MLIP: variants seen among roughly 807,000 people sequenced by gnomAD.
The protein encoded by MLIP is muscular LMNA-interacting protein.
Under a neutral mutation model 84.8 loss-of-function variants are expected in MLIP, and 79 were observed. That is an observed-to-expected ratio of 0.93 (90% CI 0.78 to 1.12). The LOEUF (loss-of-function observed/expected upper bound fraction) is 1.12, where lower values mean the gene tolerates loss of function less well. MLIP is among the 50% of genes most tolerant of loss of function. MLIP has a pLI of 0.00. For synonymous variants in MLIP, 504 were observed against 463.0 expected, an observed-to-expected ratio of 1.09 and a Z score of -1.14; for missense variants, 1,257 against 1,160.6, an observed-to-expected ratio of 1.08 and a Z score of -1.21.
intron 12 of MLIP, among the ~76,000 whole-genome samples, chr6:54,242,442 C>A (rs1162866998): frequency 6.6e-6 from 1 of 152,012 alleles, no homozygotes; most frequent in African/African-American, 2.4e-5. Context: ...TGCAGAAATC[C>A]AATAAAAACT....
At chr6:54,189,159 G>A (rs1305984644) in intron 9 of MLIP, among the ~76,000 whole-genome samples, 2 of 152,170 alleles carry the variant, frequency 1.3e-5, no homozygotes, top group African/African-American at 4.8e-5. Flanking sequence ...AGTTAAACAA[G>A]ATGAATAAAT....
chr6:54,073,367 A>G (rs1322363725), intron 1 of MLIP, among the ~76,000 whole-genome samples: 1 of 152,246 alleles, frequency 6.6e-6, no homozygotes, highest in Non-Finnish European at 1.5e-5. Flanking sequence ...TTTGTGAATT[A>G]GACTGAGAAT....
chr6:54,092,830 G>T (rs527685652), intron 1 of MLIP, among the ~76,000 whole-genome samples: 36 of 152,210 alleles, frequency 2.4e-4, no homozygotes, highest in Non-Finnish European at 4.9e-4. Context: ...TGTGATTTGA[G>T]TGGTTTTATT....
At position 54,266,031 on chromosome 6, in the gene MLIP, CT is replaced by C. The variant is rs67803711; in HGVS notation, c.*90del. The C allele has an allele frequency of 0.23, 266,070 of 1,138,910 alleles. 6,397 individuals carry two copies. The highest frequency in any genetic ancestry group is 0.43 in the African/African-American group (26,791 of 62,312). 70.6% of individuals were successfully genotyped at this position (1,138,910 alleles called of 1,614,324 possible). A position where few individuals can be genotyped will look rare whatever the true frequency, so the allele number is the denominator to read the frequency against. Reference sequence around the variant, plus strand: ...GGTGCTAACCACTTGCTAGATTTAACTTTTTTTTTTTTTTCCAGAATGAGTG... The same window carrying C: ...GGTGCTAACCACTTGCTAGATTTAACTTTTTTTTTTTTTCCAGAATGAGTG... On this transcript the variant is annotated 3_prime_UTR_variant, in exon 14 of 14. Coordinates refer to ENST00000502396, the MANE Select transcript of MLIP (RefSeq NM_001281747.2).
intron 9 of MLIP, among the ~76,000 whole-genome samples, chr6:54,188,567 G>A (rs1172306519): frequency 6.6e-6 from 1 of 152,088 alleles, no homozygotes; most frequent in African/African-American, 2.4e-5. Context: ...CTAGGTGACA[G>A]GAATATTTTT....
chr6:54,225,664 A>G (rs1780527783), intron 11 of MLIP, among the ~76,000 whole-genome samples: 1 of 152,226 alleles, frequency 6.6e-6, no homozygotes. Context: ...AACTCAGTAG[A>G]ACATTAAAGA....
chr6:54,174,736 A>C (rs1369379246), intron 9 of MLIP, among the ~76,000 whole-genome samples: 1 of 151,840 alleles, frequency 6.6e-6, no homozygotes, highest in Non-Finnish European at 1.5e-5. Context: ...TGCTGGGTAG[A>C]AGCTTTTTAA....
chr6:54,073,435 A>C (rs1260328082), intron 1 of MLIP, among the ~76,000 whole-genome samples: 1 of 152,210 alleles, frequency 6.6e-6, no homozygotes, highest in African/African-American at 2.4e-5. Context: ...TTTGCAAATG[A>C]ACTTTTAGTT....
chr6:54,264,349 A>G (rs9885789), intron 13 of MLIP, among the ~76,000 whole-genome samples: 34,903 of 151,978 alleles, frequency 0.23, 6,756 homozygotes, highest in African/African-American at 0.53. Context: ...TCAGAAGCCA[A>G]ACTCAATATA....
chr6:54,231,855 A>G (rs1219823067), intron 12 of MLIP, among the ~76,000 whole-genome samples: 1 of 152,168 alleles, frequency 6.6e-6, no homozygotes, highest in Non-Finnish European at 1.5e-5. Flanking sequence ...TTTTTAAAGA[A>G]AAAAATGTCA....
chr6:54,097,136 C>A (rs547516636), intron 1 of MLIP, among the ~76,000 whole-genome samples: 48 of 152,220 alleles, frequency 3.2e-4, no homozygotes, highest in African/African-American at 1.1e-3. Context: ...GAGAGAAAAC[C>A]CCAAAATAGA....
At chr6:54,208,772 C>A (rs180859762) in intron 11 of MLIP, among the ~76,000 whole-genome samples, 1 of 152,222 alleles carries the variant, frequency 6.6e-6, no homozygotes, top group African/African-American at 2.4e-5. Context: ...TTTTATTTGC[C>A]AGTTTATGTA....
chr6:54,262,918 G>A (rs1218004573), intron 13 of MLIP, among the ~76,000 whole-genome samples: 1 of 152,002 alleles, frequency 6.6e-6, no homozygotes, highest in Admixed American at 6.6e-5. Flanking sequence ...AGAGAGTCTG[G>A]TTCTGAAGTA....
intron 3 of MLIP, among the ~76,000 whole-genome samples, chr6:54,133,486 C>G (rs557195168): frequency 6.6e-6 from 1 of 152,200 alleles, no homozygotes; most frequent in Non-Finnish European, 1.5e-5. Flanking sequence ...AGGAAGAGCA[C>G]AACTATATAC....
Position 54,202,216 on chromosome 6 carries a change from G to A in MLIP, c.2701G>A (p.Asp901Asn), listed in dbSNP as rs759649011. Reference protein sequence around the residue: ...PFSKYLEDNSDLFSEQDVTVP... With the variant: ...PFSKYLEDNSNLFSEQDVTVP... ...CAGTAAATACTTGGAAGATAACAGC[G>A]ACCTCTTTTCTGAACAGGTGAGCAC... is the stretch of plus-strand genomic sequence containing the variant. The change falls in exon 11 of 14, where the codon GAC becomes AAC. Residue 901 changes from aspartate to asparagine, a missense_variant. By Grantham distance (23) the Asp-to-Asn change is conservative (BLOSUM62 1). Coordinates refer to ENST00000502396, the MANE Select transcript of MLIP (RefSeq NM_001281747.2). 6.7e-5 allele frequency: 106 copies of A among 1,573,750 alleles called. No homozygotes were observed. Among genetic ancestry groups the A allele is most frequent in the Non-Finnish European group, 7.8e-5 (90 of 1,160,236 alleles).
chr6:54,182,701 C>A (rs540528374), intron 9 of MLIP, among the ~76,000 whole-genome samples: 1 of 152,204 alleles, frequency 6.6e-6, no homozygotes, highest in African/African-American at 2.4e-5. Context: ...ATGTGCCCTT[C>A]TAAATGTTTA....
At chr6:54,153,471 T>C (rs1319154745) in intron 5 of MLIP, among the ~76,000 whole-genome samples, 1 of 152,094 alleles carries the variant, frequency 6.6e-6, no homozygotes, top group Non-Finnish European at 1.5e-5. Context: ...CCAGCTAAGT[T>C]GCCTATTTAA....
At chr6:54,264,116 G>T (rs904940260) in intron 13 of MLIP, among the ~76,000 whole-genome samples, 4 of 152,050 alleles carry the variant, frequency 2.6e-5, no homozygotes, top group African/African-American at 9.7e-5. Context: ...GGTTCGGGAA[G>T]AGCTGAGAAA....
intron 10 of MLIP, among the ~76,000 whole-genome samples, chr6:54,194,315 T>C (rs55853397): frequency 0.031 from 4,715 of 152,206 alleles, 214 homozygotes; most frequent in African/African-American, 0.11. Flanking sequence ...AAAGGCAGTT[T>C]CTCCTTGACC....
Sources: allele counts gnomAD v4.1 joint callset (sites outside exome capture counted in the v4.1 genomes callset), GRCh38; gene constraint gnomAD v4.1.1; transcripts MANE v1.5; gene names NCBI Gene and HGNC (gene_info 2026-07-23, HGNC 2026-07-21).